The following POU3F3 variants were observed in gnomAD, a reference collection of about 807,000 sequenced individuals.
POU3F3 encodes POU domain, class 3, transcription factor 3.
Under a neutral mutation model 8.6 loss-of-function variants are expected in POU3F3, and 1 was observed. The ratio of observed to expected loss-of-function variants is 0.12; its 90% CI spans 0.04 to 0.55. The LOEUF is 0.55. Among genes scored for constraint, POU3F3 ranks in the 20% least tolerant of loss-of-function variants. POU3F3 has a pLI of 0.91. For missense variants in POU3F3, 577 were observed against 690.7 expected, an observed-to-expected ratio of 0.84 and a Z score of 1.84; for synonymous variants, 418 against 327.4, an observed-to-expected ratio of 1.28 and a Z score of -2.99.
chr2:104,857,007 T>TGAA lies in POU3F3; in HGVS notation c.1497_1498insGAA (p.Val499_Gln500insGlu). 6.3e-7 allele frequency: 1 copy of TGAA among 1,596,794 alleles called. No individual in the cohort carries two copies. Among genetic ancestry groups the TGAA allele is most frequent in the Non-Finnish European group, 8.5e-7 (1 of 1,173,626 alleles). ...CTCACCACGGGCTGCAGACGAGCGT[T>TGAA]CAGTGAAGCCAGGGCGCAGAGCGAA... On this transcript the variant is annotated inframe_insertion, in exon 1 of 1. Coordinates refer to ENST00000361360, the MANE Select transcript of POU3F3 (RefSeq NM_006236.3).
downstream of POU3F3, among the ~76,000 whole-genome samples, chr2:104,859,029 G>C (rs904890387): frequency 2.0e-5 from 3 of 149,712 alleles, no homozygotes; most frequent in African/African-American, 7.4e-5. Context: ...TTTTTCTCAA[G>C]ACTATAGTTG....
the POU3F3 span, among the ~76,000 whole-genome samples, chr2:104,912,207 C>G: frequency 6.6e-6 from 1 of 152,206 alleles, no homozygotes; most frequent in South Asian, 2.1e-4. Context: ...GGGCAAGCAT[C>G]AAGCACAGAA....
the POU3F3 span, among the ~76,000 whole-genome samples, chr2:104,904,262 G>A: frequency 1.3e-5 from 2 of 152,152 alleles, no homozygotes; most frequent in African/African-American, 4.8e-5. Context: ...TTATCAGAGA[G>A]TGAACCATTA....
the POU3F3 span, among the ~76,000 whole-genome samples, chr2:104,863,976 G>T: frequency 2.6e-5 from 4 of 152,212 alleles, no homozygotes; most frequent in Admixed American, 2.0e-4. Context: ...CGCGCCGCAC[G>T]GGGCGGTGGA....
At position 104,854,712 on chromosome 2, in the gene POU3F3, C is replaced by G. The variant is rs1265174261; in HGVS notation, c.-799C>G. 1.3e-5 allele frequency among the ~76,000 whole-genome samples: 2 copies of G among 152,126 alleles called. No individual in the cohort carries two copies. The highest frequency in any genetic ancestry group is 2.9e-5 in the Non-Finnish European group (2 of 68,028). Reference sequence around the variant, plus strand: ...TCCTAGGACAGAACAAAACTTGAAACGAGAGGACCAGAGGGGGAGAGCAGG... The same window carrying G: ...TCCTAGGACAGAACAAAACTTGAAAGGAGAGGACCAGAGGGGGAGAGCAGG... On this transcript the variant is annotated 5_prime_UTR_variant, in exon 1 of 1. Coordinates refer to ENST00000361360, the MANE Select transcript of POU3F3 (RefSeq NM_006236.3). This position sits in a 1 kb window ranked among gnomAD's most constrained non-coding sequence, Gnocchi z 4.5.
upstream of POU3F3, among the ~76,000 whole-genome samples, chr2:104,854,005 G>C (rs970937601): frequency 2.6e-5 from 4 of 152,192 alleles, no homozygotes; most frequent in Non-Finnish European, 4.4e-5. This position sits in a 1 kb window ranked among gnomAD's most constrained non-coding sequence, Gnocchi z 4.5. Context: ...CAGTCATTCC[G>C]AGCCTGCCAA....
chr2:104,868,946 C>G, the POU3F3 span, among the ~76,000 whole-genome samples: 2 of 152,106 alleles, frequency 1.3e-5, 1 homozygote, highest in Admixed American at 1.3e-4. Flanking sequence ...GAGGGTGGGG[C>G]AGGGAGACTT....
chr2:104,855,563 C>T lies in POU3F3; in HGVS notation c.53C>T (p.Ala18Val). The T allele has an allele frequency of 1.9e-6, 2 of 1,037,974 alleles. No individual in the cohort carries two copies. Among genetic ancestry groups the T allele is most frequent in the Non-Finnish European group, 2.3e-6 (2 of 862,868 alleles). 64.3% of individuals were successfully genotyped at this position (1,037,974 alleles called of 1,614,324 possible). A position where few individuals can be genotyped will look rare whatever the true frequency, so the allele number is the denominator to read the frequency against. Residue 18 changes from alanine (A) to valine (V), a missense_variant, in exon 1 of 1, where the codon GCC becomes GTC. This residue lies in a region of POU3F3 where 484 missense variants were observed against 422.6 expected (regional missense o/e 1.15). Coordinates refer to ENST00000361360, the MANE Select transcript of POU3F3 (RefSeq NM_006236.3). ...CTGCCGGGGAACAGCCTGCTCGCGG[C>T]CGGCTCTATTGTGCACTCGGACGCG... ...PYLPGNSLLAAGSIVHSDAAG... is the reference protein window; with the variant it reads ...PYLPGNSLLAVGSIVHSDAAG...
chr2:104,864,420 C>G, the POU3F3 span, among the ~76,000 whole-genome samples: 1 of 152,198 alleles, frequency 6.6e-6, no homozygotes. Context: ...ACGCTTAAAC[C>G]CCACAACTGA....
In POU3F3 at chr2:104,855,929, C is replaced by A. The variant is rs1355825459; in HGVS notation, c.419C>A (p.Pro140Gln). The part of the protein sequence containing the change: ...AGSPQQPPQP[P>Q]PPPPQGPDVK... ...AGCCCCCAGCAGCCACCGCAGCCGC[C>A]GCCGCCACCGCCGCAGGGCCCCGAC... The change falls in exon 1 of 1, where the codon CCG becomes CAG. Residue 140 changes from proline to glutamine, a missense_variant. Transcript: ENST00000361360. The A allele has an allele frequency of 1.9e-6, 2 of 1,060,160 alleles. No homozygotes were observed. Among genetic ancestry groups the A allele is most frequent in the South Asian group, 5.6e-5 (2 of 35,698 alleles). The allele number at this position is 1,060,160 out of a possible 1,614,324, so 65.7% of individuals were successfully genotyped here.
chr2:104,872,252 C>G, the POU3F3 span: 1 of 456,508 alleles, frequency 2.2e-6, no homozygotes, highest in African/African-American at 2.0e-5. The surrounding 1 kb of genome is among the most constrained non-coding windows in gnomAD (Gnocchi z 4.6). Context: ...TCACCCGGCA[C>G]GGTCCTTCCA....
At position 104,855,450 on chromosome 2, in the gene POU3F3, G is replaced by GGCT. The variant is rs1194924024; in HGVS notation, c.-52_-50dup. On this transcript the variant is annotated 5_prime_UTR_variant, in exon 1 of 1. Transcript: ENST00000361360. ...CGGCGGCGGCGGCGGCGGCGGCCGC[G>GGCT]GCTGCTGCTGCGGCGGCGGCGGCGG... The GGCT allele has an allele frequency of 2.2e-5, 19 of 861,610 alleles. No homozygotes were observed. Among genetic ancestry groups the GGCT allele is most frequent in the African/African-American group, 5.7e-5 (3 of 52,256 alleles). The allele number at this position is 861,610 out of a possible 1,614,324, so 53.4% of individuals were successfully genotyped here. A position where few individuals can be genotyped will look rare whatever the true frequency, so the allele number is the denominator to read the frequency against.
At chr2:104,862,801 AT>A (rs1487936997), downstream of POU3F3, among the ~76,000 whole-genome samples, 1 of 152,162 alleles carries the variant, frequency 6.6e-6, no homozygotes, top group African/African-American at 2.4e-5. Flanking sequence ...AGCTTTTTGT[AT>A]TCTCATTAAT....
the POU3F3 span, chr2:104,868,216 G>A: frequency 8.8e-6 from 4 of 455,836 alleles, no homozygotes; most frequent in Non-Finnish European, 8.8e-6. Context: ...TGGTGGGAGA[G>A]GCGCTGCTCT....
At chr2:104,919,299 G>A in the POU3F3 span, among the ~76,000 whole-genome samples, 3 of 152,204 alleles carry the variant, frequency 2.0e-5, no homozygotes, top group Non-Finnish European at 2.9e-5. Flanking sequence ...ATTGTCTTCA[G>A]TGTTCCTGGA....
the POU3F3 span, among the ~76,000 whole-genome samples, chr2:104,879,731 A>T: frequency 6.6e-6 from 1 of 152,088 alleles, no homozygotes; most frequent in African/African-American, 2.4e-5. Context: ...TCAGGAGCAG[A>T]TCTCCTGTTC....
the POU3F3 span, among the ~76,000 whole-genome samples, chr2:104,896,363 C>T: frequency 6.6e-6 from 1 of 152,174 alleles, no homozygotes; most frequent in Non-Finnish European, 1.5e-5. Context: ...GACTTGAGGC[C>T]AGACTGGGAT....
the POU3F3 span, among the ~76,000 whole-genome samples, chr2:104,882,285 C>T: frequency 1.9e-4 from 28 of 144,902 alleles, no homozygotes; most frequent in Admixed American, 1.6e-3. Context: ...CTCACTCCGT[C>T]GCCCAGGCTG....
chr2:104,898,854 A>G, the POU3F3 span, among the ~76,000 whole-genome samples: 1 of 152,224 alleles, frequency 6.6e-6, no homozygotes, highest in African/African-American at 2.4e-5. Context: ...GTATTCCAGT[A>G]GTCCACTTTG....
Sources: gnomAD v4.1 joint callset for allele counts (sites outside exome capture counted in the v4.1 genomes callset) on GRCh38, gnomAD v4.1.1 for gene constraint, gnomAD v4.1.1 regional missense constraint, Gnocchi (gnomAD v3.1) non-coding constraint, MANE v1.5 for transcripts, NCBI Gene and HGNC (gene_info 2026-07-23, HGNC 2026-07-21) for gene names.